The following AFAP1L1 variants were observed in gnomAD, a reference collection of about 807,000 sequenced individuals.
AFAP1L1 encodes the protein actin filament associated protein 1 like 1.
Under a neutral mutation model 99.8 loss-of-function variants are expected in AFAP1L1, and 77 were observed. The ratio of observed to expected loss-of-function variants is 0.77; its 90% CI spans 0.64 to 0.93. The LOEUF is 0.93. Ranked by LOEUF, AFAP1L1 falls within the 40% of genes least tolerant of loss-of-function variation. The pLI is 0.00. For missense variants in AFAP1L1, 893 were observed against 996.8 expected (o/e 0.90, Z 1.40); for synonymous variants, 373 against 395.3 (o/e 0.94, Z 0.67).
rs576767983 is a variant in AFAP1L1, at chr5:149,332,025, G to A, written c.1976-670G>A. 2.0e-5 allele frequency among the ~76,000 whole-genome samples: 3 copies of A among 152,288 alleles called. No individual in the cohort carries two copies. In the South Asian group the frequency reaches 6.2e-4, roughly 32 times the overall value. On this transcript the variant is annotated intron_variant, in intron 16 of 18. Coordinates refer to ENST00000296721, the MANE Select transcript of AFAP1L1 (RefSeq NM_152406.4). Reference sequence around the variant, plus strand: ...AATCACTGTCACCAGAAGATGAGTTGTGATTATGGGGCAGACCTAAGTTAT... The same window carrying A: ...AATCACTGTCACCAGAAGATGAGTTATGATTATGGGGCAGACCTAAGTTAT...
chr5:149,333,420 G>T (rs1402901357), intron 17 of AFAP1L1, among the ~76,000 whole-genome samples: 1 of 152,184 alleles, frequency 6.6e-6, no homozygotes, highest in African/African-American at 2.4e-5. Context: ...GCAAAACCCT[G>T]TCTCTACAAA....
Position 149,340,158 on chromosome 5 carries a change from A to T in AFAP1L1, c.*128A>T. 1 of 1,028,024 alleles carries T rather than the reference A, an allele frequency of 9.7e-7. No individual in the cohort carries two copies. The highest frequency in any genetic ancestry group is 1.5e-6 in the Non-Finnish European group (1 of 686,146). 63.7% of individuals were successfully genotyped at this position (1,028,024 alleles called of 1,614,324 possible). ...CCTCGTTCTCCAGGGCACCCAAAAT[A>T]CCAGCCTTTATTGTCTGCATGATTT... is the stretch of plus-strand genomic sequence containing the variant. On this transcript the variant is annotated 3_prime_UTR_variant, in exon 19 of 19. Transcript: ENST00000296721.
At chr5:149,285,080 G>A (rs570607029) in intron 1 of AFAP1L1, among the ~76,000 whole-genome samples, 1 of 152,238 alleles carries the variant, frequency 6.6e-6, no homozygotes, top group South Asian at 2.1e-4. Flanking sequence ...ATGGAGGCAG[G>A]AATCACCCCG....
At chr5:149,302,811 A>C in intron 5 of AFAP1L1, 1 of 290,870 alleles carries the variant, frequency 3.4e-6, no homozygotes. Context: ...CCACCCTTAA[A>C]ACAAGAAAGA....
rs554643471 is a variant in AFAP1L1, at chr5:149,301,192, G to A, written c.289G>A (p.Ala97Thr). 40 of 1,614,096 alleles carry A rather than the reference G, an allele frequency of 2.5e-5. 2 individuals carry two copies. The African/African-American group carries it at 2.5e-4, about 10-fold the overall frequency. Residue 97 changes from alanine to threonine, a missense_variant, in exon 4 of 19, where the codon GCC becomes ACC. Transcript: ENST00000296721. ...PEDDGEPSKG[A>T]SPELAKSPRL... ...GGATGATGGGGAGCCCAGCAAAGGA[G>A]CCAGCCCTGAGCTAGCCAAGAGCCC...
At chr5:149,280,869 C>A (rs1339720959) in intron 1 of AFAP1L1, among the ~76,000 whole-genome samples, 1 of 152,210 alleles carries the variant, frequency 6.6e-6, no homozygotes, top group African/African-American at 2.4e-5. Flanking sequence ...GAACTCCAGC[C>A]TCCAATAAAT....
chr5:149,307,802 C>T (rs1319884738), intron 7 of AFAP1L1, among the ~76,000 whole-genome samples, 189 bp downstream of exon 7: 4 of 148,496 alleles, frequency 2.7e-5, no homozygotes, highest in African/African-American at 7.4e-5. Context: ...CACACACACA[C>T]ACCCTGTGCC....
chr5:149,342,835 C>G lies in AFAP1L1; in HGVS notation c.*2805C>G, dbSNP rs537199596. On this transcript the variant is annotated 3_prime_UTR_variant, in exon 19 of 19. Transcript: ENST00000296721. ...GCTGAGGGAGGAGAATCACTTGAAC[C>G]CGGGAGGTGGAGGTTGCAGTGAGCC... Among the ~76,000 whole-genome samples the G allele has an allele frequency of 6.6e-6, 1 of 152,226 alleles. No homozygotes were observed. The highest frequency in any genetic ancestry group is 1.9e-4 in the East Asian group (1 of 5,174).
chr5:149,326,099 C>T (rs769768674), intron 15 of AFAP1L1, among the ~76,000 whole-genome samples: 57 of 152,188 alleles, frequency 3.7e-4, no homozygotes, highest in African/African-American at 1.3e-3. Flanking sequence ...AGCTCTTCCT[C>T]GAAAGAACTG....
chr5:149,314,602 G>A (rs1756742581), intron 9 of AFAP1L1, among the ~76,000 whole-genome samples: 1 of 152,178 alleles, frequency 6.6e-6, no homozygotes, highest in African/African-American at 2.4e-5. Flanking sequence ...AGAACACATA[G>A]AGCCATAACT....
intron 1 of AFAP1L1, 114 bp from the exon 2 acceptor site, chr5:149,299,395 C>G (rs1389174107): frequency 7.0e-7 from 1 of 1,422,706 alleles, no homozygotes; most frequent in African/African-American, 1.4e-5. Flanking sequence ...GCTTGCACAC[C>G]CGGACCTGCC....
At chr5:149,316,114 G>A in intron 10 of AFAP1L1, 37 bp from the exon 11 acceptor site, 1 of 1,601,210 alleles carries the variant, frequency 6.2e-7, no homozygotes, top group South Asian at 1.1e-5. Flanking sequence ...GTGGGACTCA[G>A]GGCTCCCTCC....
At chr5:149,316,007 C>G (rs1359845693) in intron 10 of AFAP1L1, 93 bp downstream of exon 10, 1 of 1,584,200 alleles carries the variant, frequency 6.3e-7, no homozygotes, top group East Asian at 2.2e-5. Context: ...TCTGACCATT[C>G]TGTAGACCTG....
chr5:149,318,011 TG>T, intron 12 of AFAP1L1, 71 bp downstream of exon 12: 2 of 1,505,934 alleles, frequency 1.3e-6, no homozygotes, highest in Non-Finnish European at 9.0e-7. Context: ...TGTTTTTGTT[TG>T]GGGGAGCCCT....
chr5:149,293,683 G>A (rs1755929194), intron 1 of AFAP1L1, among the ~76,000 whole-genome samples: 1 of 152,166 alleles, frequency 6.6e-6, no homozygotes, highest in African/African-American at 2.4e-5. Context: ...CTCCATAGTT[G>A]TGGAAAGTAT....
chr5:149,316,207 G>T lies in AFAP1L1; in HGVS notation c.1171G>T (p.Gly391Cys). The T allele has an allele frequency of 6.2e-7, 1 of 1,614,142 alleles. No individual in the cohort carries two copies. The highest frequency in any genetic ancestry group is 8.5e-7 in the Non-Finnish European group (1 of 1,180,008). ...GAAGGGCTCAATGAGCAGGGCTGCGGGCCGCAAGATCACCCGTATCATTGG... is the reference window on the plus strand; with the variant it reads ...GAAGGGCTCAATGAGCAGGGCTGCGTGCCGCAAGATCACCCGTATCATTGG... ...ELKGSMSRAAGRKITRIIGFS... is the reference protein window; with the variant it reads ...ELKGSMSRAACRKITRIIGFS... Residue 391 changes from glycine to cysteine, a missense_variant, in exon 11 of 19, where the codon GGC becomes TGC. By Grantham distance (159) the Gly-to-Cys change is radical. Coordinates refer to ENST00000296721, the MANE Select transcript of AFAP1L1 (RefSeq NM_152406.4).
chr5:149,306,438 G>GAAGCCCTGCCCA, intron 6 of AFAP1L1, 34 bp downstream of exon 6: 1 of 1,571,806 alleles, frequency 6.4e-7, no homozygotes, highest in Non-Finnish European at 8.7e-7. Context: ...ATGCTGGGCA[G>GAAGCCCTGCCCA]GGCTTCTGCC....
At position 149,317,719 on chromosome 5, in the gene AFAP1L1, T is replaced by C. The variant is rs1561678803; in HGVS notation, c.1268-10T>C. On this transcript the variant is annotated splice_polypyrimidine_tract_variant and intron_variant, in intron 11 of 18. Coordinates refer to ENST00000296721, the MANE Select transcript of AFAP1L1 (RefSeq NM_152406.4). ...AGGCTATGGGAACCTCACACCATTG[T>C]CTCCTCCAGGCTACCTGAACGTGCT... is the stretch of plus-strand genomic sequence containing the variant. 6.2e-7 allele frequency: 1 copy of C among 1,613,372 alleles called. No individual in the cohort carries two copies. Among genetic ancestry groups the C allele is most frequent in the Non-Finnish European group, 8.5e-7 (1 of 1,179,758 alleles).
chr5:149,303,859 C>T (rs352339), intron 5 of AFAP1L1, among the ~76,000 whole-genome samples: 142,143 of 152,262 alleles, frequency 0.93, 66,391 homozygotes, highest in East Asian at 1. Context: ...AATTTTTTTA[C>T]TGTGGTAAAA....
Sources: gnomAD v4.1 joint callset for allele counts (sites outside exome capture counted in the v4.1 genomes callset) on GRCh38, gnomAD v4.1.1 for gene constraint, MANE v1.5 for transcripts, NCBI Gene and HGNC (gene_info 2026-07-23, HGNC 2026-07-21) for gene names.